Variants in ATP10A observed in about 807,000 individuals in gnomAD.
The protein encoded by ATP10A is phospholipid-transporting ATPase VA.
A neutral mutation model predicts 147.8 loss-of-function variants in ATP10A; 111 were observed. That is an observed-to-expected ratio of 0.75 (90% confidence interval 0.64 to 0.88). The LOEUF is 0.88. Ranked by LOEUF, ATP10A falls within the 40% of genes least tolerant of loss-of-function variation. The pLI is 0.00. For synonymous variants in ATP10A, 875 were observed against 841.6 expected, an observed-to-expected ratio of 1.04 and a Z score of -0.69; for missense variants, 1,927 against 1,959.0, an observed-to-expected ratio of 0.98 and a Z score of 0.31.
intron 1 of ATP10A, among the ~76,000 whole-genome samples, chr15:25,858,158 C>A (rs1359267896): frequency 6.6e-6 from 1 of 152,130 alleles, no homozygotes; most frequent in Non-Finnish European, 1.5e-5. Flanking sequence ...ATTCCGCAAG[C>A]GTCCAGTGCC....
chr15:25,804,816 A>G (rs1391539044), intron 1 of ATP10A, among the ~76,000 whole-genome samples: 1 of 152,226 alleles, frequency 6.6e-6, no homozygotes, highest in Non-Finnish European at 1.5e-5. Context: ...ACATATTTCA[A>G]ATAAGTGTTT....
chr15:25,685,698 C>T (rs10152301), intron 16 of ATP10A, among the ~76,000 whole-genome samples: 9,259 of 151,980 alleles, frequency 0.061, 443 homozygotes, highest in African/African-American at 0.13. Context: ...GGCATGGTGG[C>T]CTGTAGTCCC....
At chr15:25,803,845 GCA>G (rs1258688312) in intron 1 of ATP10A, among the ~76,000 whole-genome samples, 2 of 152,218 alleles carry the variant, frequency 1.3e-5, no homozygotes, top group Non-Finnish European at 2.9e-5. Context: ...GCCCTCCCAG[GCA>G]CAGACTCCCA....
chr15:25,847,353 A>G (rs74004311), intron 1 of ATP10A, among the ~76,000 whole-genome samples: 3,134 of 152,192 alleles, frequency 0.021, 122 homozygotes, highest in African/African-American at 0.072. Context: ...CCATTTCCTC[A>G]CAGGAACAAT....
chr15:25,680,770 C>A (rs769839258), intron 19 of ATP10A, 40 bp downstream of exon 19: 15 of 1,555,496 alleles, frequency 9.6e-6, no homozygotes, highest in South Asian at 3.3e-5. Flanking sequence ...TCCACGGCAT[C>A]AGTGCTCTTC....
At chr15:25,770,424 C>T (rs572803001) in intron 2 of ATP10A, among the ~76,000 whole-genome samples, 2 of 152,312 alleles carry the variant, frequency 1.3e-5, no homozygotes, top group South Asian at 2.1e-4. Flanking sequence ...GGCCAAGGGG[C>T]TGACTCCCTC....
chr15:25,803,940 C>T (rs1891052626), intron 1 of ATP10A, among the ~76,000 whole-genome samples: 2 of 152,208 alleles, frequency 1.3e-5, no homozygotes, highest in African/African-American at 4.8e-5. Flanking sequence ...GAGGTATTCA[C>T]ATGAGTGTGT....
intron 1 of ATP10A, among the ~76,000 whole-genome samples, chr15:25,826,419 C>T (rs1215791676): frequency 6.6e-6 from 1 of 152,074 alleles, no homozygotes; most frequent in Non-Finnish European, 1.5e-5. Flanking sequence ...CAAACATCAG[C>T]CAGGTGCGAA....
chr15:25,739,436 C>G (rs1887465356), intron 2 of ATP10A, among the ~76,000 whole-genome samples: 1 of 152,140 alleles, frequency 6.6e-6, no homozygotes, highest in Non-Finnish European at 1.5e-5. Flanking sequence ...GCTAGTTCTT[C>G]TGATTAATAA....
At chr15:25,735,479 T>C (rs751828267) in intron 3 of ATP10A, among the ~76,000 whole-genome samples, 1 of 152,108 alleles carries the variant, frequency 6.6e-6, no homozygotes, top group Non-Finnish European at 1.5e-5. Context: ...TGTCTTTCTG[T>C]TTTGGAGCAG....
chr15:25,767,409 G>A (rs908088958), intron 2 of ATP10A, among the ~76,000 whole-genome samples: 1 of 152,208 alleles, frequency 6.6e-6, no homozygotes, highest in African/African-American at 2.4e-5. Context: ...GGCTCAGGCA[G>A]AGAGGCATGG....
intron 2 of ATP10A, among the ~76,000 whole-genome samples, chr15:25,775,688 G>A (rs1240125362): frequency 6.6e-6 from 1 of 152,230 alleles, no homozygotes; most frequent in Non-Finnish European, 1.5e-5. Context: ...CACAGAGGAC[G>A]TGGGTGTGGC....
intron 2 of ATP10A, among the ~76,000 whole-genome samples, chr15:25,763,653 T>A (rs562381777): frequency 6.6e-6 from 1 of 152,312 alleles, no homozygotes; most frequent in African/African-American, 2.4e-5. Flanking sequence ...AAGACACTGA[T>A]TCTGCAGCAC....
chr15:25,844,446 T>C (rs1235434403), intron 1 of ATP10A, among the ~76,000 whole-genome samples: 1 of 152,212 alleles, frequency 6.6e-6, no homozygotes, highest in Non-Finnish European at 1.5e-5. Context: ...CCTAGTCCAT[T>C]TGATTTTATG....
chr15:25,831,165 G>A (rs1429307571), intron 1 of ATP10A, among the ~76,000 whole-genome samples: 1 of 152,224 alleles, frequency 6.6e-6, no homozygotes, highest in African/African-American at 2.4e-5. Flanking sequence ...GTGTCTGGAT[G>A]TCTAGGACCG....
intron 13 of ATP10A, among the ~76,000 whole-genome samples, chr15:25,700,911 T>C (rs1338932842): frequency 6.6e-6 from 1 of 150,892 alleles, no homozygotes; most frequent in African/African-American, 2.5e-5. Flanking sequence ...GCAAACTTTC[T>C]TGGAGAAAGA....
chr15:25,752,004 T>C (rs1888179874), intron 2 of ATP10A, among the ~76,000 whole-genome samples: 1 of 151,972 alleles, frequency 6.6e-6, no homozygotes, highest in Non-Finnish European at 1.5e-5. Flanking sequence ...ACCAAAAAGA[T>C]AAAAGATATC....
At chr15:25,683,096 A>G (rs1343164814) in intron 17 of ATP10A, among the ~76,000 whole-genome samples, 190 bp downstream of exon 17, 2 of 152,068 alleles carry the variant, frequency 1.3e-5, no homozygotes, top group Non-Finnish European at 2.9e-5. Context: ...AGTTTCGCTT[A>G]CAACACTTGA....
In ATP10A at chr15:25,829,545, G is replaced by A. The variant is rs116026660; in HGVS notation, c.449+33103C>T. Among the ~76,000 whole-genome samples the A allele has an allele frequency of 4.8e-3, 734 of 152,258 alleles. 4 individuals are homozygous for A. Among genetic ancestry groups the A allele is most frequent in the African/African-American group, 0.017 (702 of 41,538 alleles). The stretch of plus-strand genomic sequence containing the variant: ...CTCCCAAGAGTTAACATTCTAATGC[G>A]GAGGAGGGTGGGTAGAGAAACATCT... On this transcript the variant is annotated intron_variant, in intron 1 of 20. Transcript: ENST00000555815.
Sources: gnomAD v4.1 joint callset for allele counts (sites outside exome capture counted in the v4.1 genomes callset) on GRCh38, gnomAD v4.1.1 for gene constraint, MANE v1.5 for transcripts, NCBI Gene and HGNC (gene_info 2026-07-23, HGNC 2026-07-21) for gene names.